DPRX: variants seen among roughly 807,000 people sequenced by gnomAD.
DPRX encodes the protein divergent paired-related homeobox.
A neutral mutation model predicts 8.4 loss-of-function variants in DPRX; 11 were observed. That is an observed-to-expected ratio of 1.31 (90% CI 0.82 to 2.17). The LOEUF is 2.17. Among genes scored for constraint, DPRX ranks in the 30% most tolerant of loss-of-function variants. DPRX has a pLI of 0.00. For synonymous variants in DPRX, 72 were observed against 87.0 expected, an observed-to-expected ratio of 0.83 and a Z score of 0.96; for missense variants, 211 against 236.7, an observed-to-expected ratio of 0.89 and a Z score of 0.71.
the DPRX span, among the ~76,000 whole-genome samples, chr19:53,601,623 C>T: frequency 9.9e-5 from 15 of 151,530 alleles, no homozygotes; most frequent in East Asian, 1.7e-3. Context: ...CTGGGATTAC[C>T]GGCACACACC....
chr19:53,617,998 CGTG>C, the DPRX span, among the ~76,000 whole-genome samples: 9 of 151,832 alleles, frequency 5.9e-5, no homozygotes, highest in Middle Eastern at 3.4e-3. Flanking sequence ...ATTAGCCGGG[CGTG>C]GTGGTGGCGG....
chr19:53,619,638 G>A, the DPRX span, among the ~76,000 whole-genome samples: 1 of 150,710 alleles, frequency 6.6e-6, no homozygotes, highest in African/African-American at 2.4e-5. Context: ...TCGTGCCATT[G>A]CACTCCAGCC....
At chr19:53,631,070 C>T (rs1232499000), upstream of DPRX, among the ~76,000 whole-genome samples, 1 of 152,010 alleles carries the variant, frequency 6.6e-6, no homozygotes, top group Non-Finnish European at 1.5e-5. Context: ...TGGTCTCGAA[C>T]TCCTGACCTC....
the DPRX span, among the ~76,000 whole-genome samples, chr19:53,615,203 C>CT: frequency 6.6e-6 from 1 of 151,138 alleles, no homozygotes; most frequent in Non-Finnish European, 1.5e-5. Context: ...AACTCCTGGC[C>CT]TTAGGTGACC....
the DPRX span, among the ~76,000 whole-genome samples, chr19:53,617,564 AAAAAAAAAAAAG>A: frequency 2.1e-5 from 3 of 140,912 alleles, no homozygotes; most frequent in African/African-American, 5.0e-5. Flanking sequence ...GTCTCACCAA[AAAAAAAAAAAAG>A]AAAAAAAAAA....
chr19:53,628,175 A>G (rs910674853), upstream of DPRX, among the ~76,000 whole-genome samples: 1 of 152,092 alleles, frequency 6.6e-6, no homozygotes, highest in Non-Finnish European at 1.5e-5. Flanking sequence ...GCAGTGGCCC[A>G]CGCCTATAAT....
chr19:53,607,882 A>C, the DPRX span, among the ~76,000 whole-genome samples: 12 of 150,702 alleles, frequency 8.0e-5, no homozygotes, highest in Non-Finnish European at 1.6e-4. Context: ...ATTTGAAAAT[A>C]AAAAAACAGG....
intron 1 of DPRX, 63 bp from the exon 2 acceptor site, chr19:53,634,468 T>G: frequency 6.4e-7 from 1 of 1,553,192 alleles, no homozygotes; most frequent in Non-Finnish European, 8.7e-7. Context: ...AAAGGAAAGC[T>G]CAGGCTTTTG....
chr19:53,633,739 A>T (rs1021320428), intron 1 of DPRX, among the ~76,000 whole-genome samples: 1 of 151,950 alleles, frequency 6.6e-6, no homozygotes, highest in African/African-American at 2.4e-5. Flanking sequence ...TGATCTCTTG[A>T]CCTCATGATC....
upstream of DPRX, among the ~76,000 whole-genome samples, chr19:53,629,197 C>T (rs1168753115): frequency 6.6e-6 from 1 of 151,114 alleles, no homozygotes; most frequent in Non-Finnish European, 1.5e-5. Flanking sequence ...ACCTGTAATC[C>T]CACCTACTCA....
chr19:53,619,241 T>A, the DPRX span, among the ~76,000 whole-genome samples: 1 of 151,866 alleles, frequency 6.6e-6, no homozygotes, highest in African/African-American at 2.4e-5. Flanking sequence ...GCCAACACCT[T>A]ATCTAAGGAC....
the DPRX span, among the ~76,000 whole-genome samples, chr19:53,611,514 C>T: frequency 2.6e-5 from 4 of 151,980 alleles, no homozygotes; most frequent in African/African-American, 9.7e-5. Flanking sequence ...ATTATAGGCA[C>T]GAGCCTCCGC....
chr19:53,634,445 C>T, intron 1 of DPRX, 86 bp from the exon 2 acceptor site: 2 of 1,500,294 alleles, frequency 1.3e-6, no homozygotes, highest in Non-Finnish European at 1.8e-6. Flanking sequence ...CACGTTGTAC[C>T]TCAGTGGAAA....
At chr19:53,602,309 T>TGTGTGC in the DPRX span, 1 of 317,286 alleles carries the variant, frequency 3.2e-6, no homozygotes, top group African/African-American at 2.4e-5. Flanking sequence ...TGTGTGTGTG[T>TGTGTGC]GTGCCAGCCT....
the DPRX span, chr19:53,617,121 G>C: frequency 8.0e-7 from 1 of 1,252,548 alleles, no homozygotes; most frequent in African/African-American, 1.5e-5. Context: ...ATCCTGGACC[G>C]ATCGAATGCA....
the DPRX span, among the ~76,000 whole-genome samples, chr19:53,601,760 G>A: frequency 6.6e-6 from 1 of 152,108 alleles, no homozygotes; most frequent in South Asian, 2.1e-4. Context: ...GGGATTACAG[G>A]TGTGAGCCAC....
chr19:53,625,954 T>TGTGTCAGG, the DPRX span, among the ~76,000 whole-genome samples: 1 of 151,658 alleles, frequency 6.6e-6, no homozygotes, highest in Non-Finnish European at 1.5e-5. Flanking sequence ...CTTTTTTGTG[T>TGTGTCAGG]GTGTCAGGGT....
the DPRX span, among the ~76,000 whole-genome samples, chr19:53,623,733 C>A: frequency 6.6e-6 from 1 of 152,210 alleles, no homozygotes; most frequent in Middle Eastern, 3.4e-3. Context: ...AGTGAATTAC[C>A]TGAGGTCAGG....
At chr19:53,626,356 G>A in the DPRX span, among the ~76,000 whole-genome samples, 1 of 152,080 alleles carries the variant, frequency 6.6e-6, no homozygotes, top group Non-Finnish European at 1.5e-5. Flanking sequence ...TGGGATTACA[G>A]GCATAAGCCA....
Sources: gnomAD v4.1 joint callset for allele counts (sites outside exome capture counted in the v4.1 genomes callset) on GRCh38, gnomAD v4.1.1 for gene constraint, MANE v1.5 for transcripts, NCBI Gene and HGNC (gene_info 2026-07-23, HGNC 2026-07-21) for gene names.